The following FHIT variants were observed in gnomAD, a reference collection of about 807,000 sequenced individuals.
FHIT encodes the protein fragile histidine triad diadenosine triphosphatase, also known as bis(5'-adenosyl)-triphosphatase.
A neutral mutation model predicts 17.9 loss-of-function variants in FHIT; 19 were observed. That is an observed-to-expected ratio of 1.06 (90% CI 0.74 to 1.56). The LOEUF is 1.56. Among genes scored for constraint, FHIT ranks in the 40% most tolerant of loss-of-function variants. FHIT has a pLI of 0.00. For synonymous variants in FHIT, 81 were observed against 69.7 expected, an observed-to-expected ratio of 1.16 and a Z score of -0.81; for missense variants, 248 against 189.2, an observed-to-expected ratio of 1.31 and a Z score of -1.82.
intron 2 of FHIT, among the ~76,000 whole-genome samples, chr3:61,119,182 G>C (rs982810289): frequency 1.3e-5 from 2 of 151,996 alleles, no homozygotes; most frequent in Non-Finnish European, 2.9e-5. Context: ...CTTCAGCCAG[G>C]TCATTCATAA....
intron 5 of FHIT, among the ~76,000 whole-genome samples, chr3:60,121,153 C>G (rs944980326): frequency 1.3e-5 from 2 of 152,060 alleles, no homozygotes; most frequent in Non-Finnish European, 2.9e-5. Flanking sequence ...TAAACTACCC[C>G]TATAATGGTT....
chr3:60,479,191 T>C (rs1452965459), intron 5 of FHIT, among the ~76,000 whole-genome samples: 1 of 152,202 alleles, frequency 6.6e-6, no homozygotes, highest in Non-Finnish European at 1.5e-5. Flanking sequence ...AATATGACTT[T>C]GTCCCTTAAC....
At position 60,380,996 on chromosome 3, in the gene FHIT, A is replaced by G. The variant is rs570143151; in HGVS notation, c.103+155864T>C. Among the ~76,000 whole-genome samples, 7 of 152,328 alleles carry G rather than the reference A, an allele frequency of 4.6e-5. No individual in the cohort carries two copies. The South Asian group carries it at 1.0e-3, about 23-fold the overall frequency. On this transcript the variant is annotated intron_variant, in intron 5 of 9. Transcript: ENST00000492590. ...CACAGAGTGTTCCTAGTACTTACTG[A>G]TATGACCAAGACCTTGTAGCCTTTG...
At chr3:60,163,805 A>G (rs1440699063) in intron 5 of FHIT, among the ~76,000 whole-genome samples, 1 of 152,214 alleles carries the variant, frequency 6.6e-6, no homozygotes, top group Non-Finnish European at 1.5e-5. Context: ...AAATGCCTCC[A>G]GACGTTGCCA....
intron 4 of FHIT, among the ~76,000 whole-genome samples, chr3:60,793,723 A>G (rs1553729312): frequency 6.6e-6 from 1 of 152,188 alleles, no homozygotes; most frequent in Non-Finnish European, 1.5e-5. Flanking sequence ...GAATCCTCTG[A>G]GGGACGTTTT....
intron 4 of FHIT, among the ~76,000 whole-genome samples, chr3:60,781,148 T>C (rs782083698): frequency 9.9e-5 from 15 of 152,262 alleles, no homozygotes; most frequent in Admixed American, 6.5e-4. Context: ...AGCACATAAG[T>C]GGAGAATGCA....
At chr3:60,056,895 C>T (rs1457715744) in intron 5 of FHIT, among the ~76,000 whole-genome samples, 1 of 152,138 alleles carries the variant, frequency 6.6e-6, no homozygotes, top group Non-Finnish European at 1.5e-5. Context: ...AGCCAGCTAC[C>T]TTTATTCACA....
At chr3:59,885,744 A>G (rs1224705978) in intron 8 of FHIT, among the ~76,000 whole-genome samples, 1 of 152,194 alleles carries the variant, frequency 6.6e-6, no homozygotes, top group African/African-American at 2.4e-5. Flanking sequence ...GCCTCAAGGC[A>G]TGTATAAAGG....
intron 5 of FHIT, among the ~76,000 whole-genome samples, chr3:60,290,452 G>A (rs1707930474): frequency 1.3e-5 from 2 of 151,910 alleles, no homozygotes; most frequent in South Asian, 4.2e-4. Context: ...CTGACCTATG[G>A]AGAGCCTCAT....
At chr3:61,101,810 A>G (rs528246521) in intron 2 of FHIT, among the ~76,000 whole-genome samples, 10 of 152,136 alleles carry the variant, frequency 6.6e-5, no homozygotes, top group African/African-American at 2.4e-4. Flanking sequence ...TATTCTCTTC[A>G]TAGCAATTGT....
intron 2 of FHIT, among the ~76,000 whole-genome samples, chr3:61,092,899 T>C (rs948717226): frequency 1.3e-5 from 2 of 152,222 alleles, no homozygotes; most frequent in African/African-American, 4.8e-5. Context: ...AAAATTTTCT[T>C]CCAGCTTACT....
chr3:60,396,817 T>G (rs1273519373), intron 5 of FHIT, among the ~76,000 whole-genome samples: 1 of 152,148 alleles, frequency 6.6e-6, no homozygotes, highest in Non-Finnish European at 1.5e-5. Flanking sequence ...ATAACTTATT[T>G]CAAAATGAAA....
intron 7 of FHIT, among the ~76,000 whole-genome samples, chr3:59,944,922 T>A (rs969646499): frequency 6.6e-6 from 1 of 152,222 alleles, no homozygotes; most frequent in African/African-American, 2.4e-5. Flanking sequence ...TTGTCCAGTC[T>A]ACCTTGGATG....
Position 60,504,425 on chromosome 3 carries a change from C to T in FHIT, c.103+32435G>A, listed in dbSNP as rs374697458. On this transcript the variant is annotated intron_variant, in intron 5 of 9. Transcript: ENST00000492590. ...CCAGCCTGGCGACAGAACGAGACCCCGTCTCAAAAAAAAAAAAATTTTTTT... is the reference window on the plus strand; with the variant it reads ...CCAGCCTGGCGACAGAACGAGACCCTGTCTCAAAAAAAAAAAAATTTTTTT... Among the ~76,000 whole-genome samples the T allele has an allele frequency of 5.6e-5, 7 of 123,910 alleles. No individual in the cohort carries two copies. The East Asian group carries it at 7.1e-4, about 13-fold the overall frequency. The allele number at this position is 123,910 out of a possible 152,430, so 81.3% of individuals were successfully genotyped here.
chr3:60,530,411 C>G (rs566432221), intron 5 of FHIT, among the ~76,000 whole-genome samples: 86 of 152,318 alleles, frequency 5.6e-4, no homozygotes, highest in African/African-American at 2.0e-3. Context: ...CATCCAATTT[C>G]AAACCTTCCT....
intron 5 of FHIT, among the ~76,000 whole-genome samples, chr3:60,029,978 GAT>G (rs760418779): frequency 1.2e-4 from 18 of 150,460 alleles, no homozygotes; most frequent in Non-Finnish European, 1.9e-4. Flanking sequence ...AGTCTTTTAT[GAT>G]AGTTTTTGTT....
rs759788686 is a variant in FHIT at position 60,191,537 on chromosome 3, A to G, written c.104-177385T>C. ...ACATCATAAAGCCGTAGTGATTAGA[A>G]GGGCATAGTGACCAAAGCATGATCC... On this transcript the variant is annotated intron_variant, in intron 5 of 9. Transcript: ENST00000492590. Among the ~76,000 whole-genome samples the G allele has an allele frequency of 9.9e-5, 15 of 152,196 alleles. 1 individual carries two copies. The highest frequency in any genetic ancestry group is 8.8e-5 in the Non-Finnish European group (6 of 68,024).
At chr3:60,617,169 A>C (rs369883395) in intron 4 of FHIT, 5 of 210,496 alleles carry the variant, frequency 2.4e-5, no homozygotes, top group African/African-American at 1.2e-4. Flanking sequence ...TCATATCAAA[A>C]TAACTAAAAG....
chr3:60,125,947 T>C (rs555087576), intron 5 of FHIT, among the ~76,000 whole-genome samples: 7 of 152,244 alleles, frequency 4.6e-5, no homozygotes, highest in South Asian at 4.2e-4. Flanking sequence ...ATTTGCTCCT[T>C]CAAATCTCTT....
Sources: gnomAD v4.1 joint callset for allele counts (sites outside exome capture counted in the v4.1 genomes callset) on GRCh38, gnomAD v4.1.1 for gene constraint, MANE v1.5 for transcripts, NCBI Gene and HGNC (gene_info 2026-07-23, HGNC 2026-07-21) for gene names.